Variants in VPS13B observed in about 807,000 individuals in gnomAD.
The protein encoded by VPS13B is intermembrane lipid transfer protein VPS13B.
Under a neutral mutation model 426.4 loss-of-function variants are expected in VPS13B, and 285 were observed. The ratio of observed to expected loss-of-function variants is 0.67; its 90% CI spans 0.61 to 0.74. The LOEUF is 0.74. VPS13B is among the 30% of genes least tolerant of loss of function. The pLI, the probability that VPS13B is intolerant of heterozygous loss-of-function variation, is 0.00. For synonymous variants in VPS13B, 1,676 were observed against 1,676.4 expected (o/e 1.00, Z 0.01); for missense variants, 4,537 against 4,782.6 (o/e 0.95, Z 1.51).
intron 3 of VPS13B, among the ~76,000 whole-genome samples, chr8:99,053,451 G>A (rs1449789958): frequency 1.3e-5 from 2 of 151,912 alleles, no homozygotes; most frequent in African/African-American, 4.8e-5. Context: ...GTTCATCCAG[G>A]CCCCTACAAA....
intron 21 of VPS13B, among the ~76,000 whole-genome samples, chr8:99,430,540 C>T (rs990942730): frequency 2.0e-5 from 3 of 151,944 alleles, no homozygotes; most frequent in African/African-American, 7.3e-5. Flanking sequence ...TAAAATAATT[C>T]CTGAAATCTT....
intron 17 of VPS13B, among the ~76,000 whole-genome samples, chr8:99,218,790 A>G (rs1020072494): frequency 2.0e-5 from 3 of 152,218 alleles, no homozygotes; most frequent in African/African-American, 7.2e-5. Flanking sequence ...TGGAGTGGTA[A>G]TGCCTCATGC....
At chr8:99,494,840 T>C (rs1820802580) in intron 25 of VPS13B, among the ~76,000 whole-genome samples, 2 of 152,158 alleles carry the variant, frequency 1.3e-5, no homozygotes, top group South Asian at 4.1e-4. Context: ...CTTTTGGCTG[T>C]AAGTAAATTC....
chr8:99,609,556 T>C (rs1827752877), intron 33 of VPS13B, among the ~76,000 whole-genome samples: 1 of 152,182 alleles, frequency 6.6e-6, no homozygotes, highest in South Asian at 2.1e-4. Flanking sequence ...CAAACAAAAA[T>C]GCTTTTCCAT....
At chr8:99,441,924 G>A (rs1817698574) in intron 22 of VPS13B, among the ~76,000 whole-genome samples, 1 of 151,978 alleles carries the variant, frequency 6.6e-6, no homozygotes. Flanking sequence ...TTTAATGGTT[G>A]TCTAGTGTTA....
chr8:99,810,920 T>G (rs1011524716), intron 44 of VPS13B, among the ~76,000 whole-genome samples: 99 of 152,180 alleles, frequency 6.5e-4, no homozygotes, highest in African/African-American at 2.3e-3. Flanking sequence ...GAAGGATTCC[T>G]GCAGGGACCG....
At chr8:99,130,800 G>A (rs779239068) in intron 8 of VPS13B, among the ~76,000 whole-genome samples, 9 of 152,060 alleles carry the variant, frequency 5.9e-5, no homozygotes, top group Non-Finnish European at 8.8e-5. Flanking sequence ...ACAGAATTGT[G>A]CTTTAAAATA....
At chr8:99,501,926 C>CCCTTCCTT (rs1176191026) in intron 26 of VPS13B, 68 bp downstream of exon 26, 1 of 1,066,668 alleles carries the variant, frequency 9.4e-7, no homozygotes, top group African/African-American at 1.7e-5. Context: ...CTCCCTCCCT[C>CCCTTCCTT]CCTTCCTTCC....
At chr8:99,723,053 G>C (rs1397052769) in intron 39 of VPS13B, among the ~76,000 whole-genome samples, 2 of 152,124 alleles carry the variant, frequency 1.3e-5, no homozygotes, top group Non-Finnish European at 2.9e-5. Flanking sequence ...ATCTTCTCAC[G>C]GTTATTAGGA....
At chr8:99,136,160 A>G (rs929685369) in intron 11 of VPS13B, among the ~76,000 whole-genome samples, 14 of 152,110 alleles carry the variant, frequency 9.2e-5, no homozygotes, top group African/African-American at 3.4e-4. Flanking sequence ...TCAGATAATT[A>G]CCTGAAGATT....
chr8:99,307,039 A>C (rs755972709), intron 19 of VPS13B, among the ~76,000 whole-genome samples: 133 of 152,142 alleles, frequency 8.7e-4, no homozygotes, highest in Non-Finnish European at 2.6e-4. Flanking sequence ...ATAAAAGTAC[A>C]CACACGGATT....
Position 99,854,270 on chromosome 8 carries a change from C to T in VPS13B, c.10867+14C>T, listed in dbSNP as rs1389439605. The T allele has an allele frequency of 6.2e-7, 1 of 1,611,538 alleles. No homozygotes were observed. The highest frequency in any genetic ancestry group is 8.5e-7 in the Non-Finnish European group (1 of 1,179,298). On this transcript the variant is annotated intron_variant, in intron 56 of 61. Transcript: ENST00000357162. ...TTTTTAGAGCAGGTAAGAACACAAG[C>T]TGAGGGTCTGTGATGAGCTAGAGCC...
intron 50 of VPS13B, 39 bp from the exon 51 acceptor site, chr8:99,823,793 C>T (rs1306415009): frequency 2.5e-6 from 4 of 1,597,352 alleles, no homozygotes; most frequent in East Asian, 2.2e-5. Flanking sequence ...ATATGCCTTA[C>T]AGTATTGTCA....
At chr8:99,018,401 A>G (rs1841724986) in intron 2 of VPS13B, among the ~76,000 whole-genome samples, 1 of 152,216 alleles carries the variant, frequency 6.6e-6, no homozygotes, top group Admixed American at 6.5e-5. Flanking sequence ...GCAAACACAA[A>G]AAAACCTCTA....
intron 19 of VPS13B, among the ~76,000 whole-genome samples, chr8:99,358,872 T>C (rs1236866151): frequency 6.6e-6 from 1 of 152,194 alleles, no homozygotes; most frequent in East Asian, 1.9e-4. Context: ...ATTTTGATGA[T>C]TGGGTACTGA....
chr8:99,076,244 A>G (rs1326701484), intron 3 of VPS13B, among the ~76,000 whole-genome samples: 1 of 152,130 alleles, frequency 6.6e-6, no homozygotes, highest in Non-Finnish European at 1.5e-5. Flanking sequence ...TTGATTTTTA[A>G]AAATTTGCTG....
intron 20 of VPS13B, among the ~76,000 whole-genome samples, chr8:99,390,920 C>T (rs1396237748): frequency 6.6e-6 from 1 of 152,178 alleles, no homozygotes; most frequent in Non-Finnish European, 1.5e-5. Context: ...GCTCAGCCCT[C>T]ATGCATTCAA....
chr8:99,601,261 G>A (rs1344248608), intron 33 of VPS13B, among the ~76,000 whole-genome samples: 1 of 152,044 alleles, frequency 6.6e-6, no homozygotes, highest in African/African-American at 2.4e-5. Flanking sequence ...TTGGTTTTCT[G>A]TTCTTGTGTT....
chr8:99,536,155 G>T (rs1823208490), intron 30 of VPS13B, among the ~76,000 whole-genome samples: 1 of 151,966 alleles, frequency 6.6e-6, no homozygotes, highest in Admixed American at 6.5e-5. Flanking sequence ...CACCATATTG[G>T]TCAGGCTGGT....
Sources: allele counts gnomAD v4.1 joint callset (sites outside exome capture counted in the v4.1 genomes callset), GRCh38; gene constraint gnomAD v4.1.1; transcripts MANE v1.5; gene names NCBI Gene and HGNC (gene_info 2026-07-23, HGNC 2026-07-21).